The following TJP1 variants were observed in gnomAD, a reference collection of about 807,000 sequenced individuals.
TJP1 encodes the protein tight junction protein 1.
Under a neutral mutation model 194.2 loss-of-function variants are expected in TJP1, and 43 were observed. That is an observed-to-expected ratio of 0.22 (90% CI 0.17 to 0.29). The LOEUF (loss-of-function observed/expected upper bound fraction) is 0.29. TJP1 is among the 10% of genes least tolerant of loss of function. The pLI is 1.00. For missense variants in TJP1, 1,971 were observed against 2,185.7 expected, an observed-to-expected ratio of 0.90 and a Z score of 1.96; for synonymous variants, 801 against 779.0, an observed-to-expected ratio of 1.03 and a Z score of -0.47.
chr15:29,790,799 G>T (rs937034422), intron 2 of TJP1, among the ~76,000 whole-genome samples: 15 of 140,294 alleles, frequency 1.1e-4, no homozygotes, highest in Non-Finnish European at 1.8e-4. Flanking sequence ...TGTGGTATTC[G>T]TCTTTCTGTG....
intron 1 of TJP1, 137 bp downstream of exon 1, chr15:29,821,858 GCGGCCCC>G (rs1237874226): frequency 2.5e-6 from 2 of 799,676 alleles, no homozygotes; most frequent in Non-Finnish European, 3.0e-6. Flanking sequence ...CCCGCGGCCC[GCGGCCCC>G]GCGCCAGCCC....
At chr15:29,746,678 A>G (rs2044806579) in intron 8 of TJP1, among the ~76,000 whole-genome samples, 1 of 152,044 alleles carries the variant, frequency 6.6e-6, no homozygotes, top group Non-Finnish European at 1.5e-5. Flanking sequence ...AATATATTTA[A>G]AATTATTTTT....
At chr15:29,823,637 A>G (rs1038606401), upstream of TJP1, 5 of 152,242 alleles carry the variant, frequency 3.3e-5, no homozygotes, top group African/African-American at 1.2e-4. Context: ...TCGAAGTGCC[A>G]CACATCTTGC....
chr15:29,720,324 T>C (rs754644807), intron 19 of TJP1, 34 bp downstream of exon 19: 2 of 1,487,544 alleles, frequency 1.3e-6, no homozygotes, highest in South Asian at 1.3e-5. Flanking sequence ...ATAATGCACC[T>C]CTATCTACAA....
intron 8 of TJP1, among the ~76,000 whole-genome samples, chr15:29,743,657 T>A (rs2044572923): frequency 1.3e-5 from 2 of 151,910 alleles, no homozygotes. Context: ...AGCCGAGGAG[T>A]TGGAGGCTGA....
chr15:29,952,024 C>T (rs1223654067), intron 2 of TJP1, among the ~76,000 whole-genome samples: 1 of 152,186 alleles, frequency 6.6e-6, no homozygotes, highest in Non-Finnish European at 1.5e-5. Context: ...TTTGACTATA[C>T]ACTTAGAATC....
intron 2 of TJP1, among the ~76,000 whole-genome samples, chr15:29,884,480 C>T (rs1027774113): frequency 2.0e-5 from 3 of 152,178 alleles, no homozygotes; most frequent in African/African-American, 4.8e-5. Context: ...AACAAAGAAA[C>T]TCTTACCCAG....
At chr15:29,943,681 G>A (rs2055170154) in intron 2 of TJP1, among the ~76,000 whole-genome samples, 1 of 149,428 alleles carries the variant, frequency 6.7e-6, no homozygotes, top group Non-Finnish European at 1.5e-5. Flanking sequence ...AAGCATGGTG[G>A]CTTATGCCTG....
At chr15:29,711,963 A>G (rs2042271566) in intron 23 of TJP1, among the ~76,000 whole-genome samples, 1 of 152,218 alleles carries the variant, frequency 6.6e-6, no homozygotes, top group African/African-American at 2.4e-5. Context: ...TGACTGCTAG[A>G]GCAGCAGATC....
At position 29,727,962 on chromosome 15, in the gene TJP1, T is replaced by G; in HGVS notation, c.2075A>C (p.His692Pro). 1 of 1,614,194 alleles carries G rather than the reference T, an allele frequency of 6.2e-7. No individual in the cohort carries two copies. The highest frequency in any genetic ancestry group is 8.5e-7 in the Non-Finnish European group (1 of 1,180,014). ...DQRSSGIIRL[H>P]TIKQIIDQDK... ...TTGATCTATGATTTGCTTTATTGTA[T>G]GCAGGCGAATAATGCCAGAGCTACG... The change falls in exon 16 of 28, where the codon CAT becomes CCT. Residue 692 changes from histidine to proline, a missense_variant. This residue lies in a region of TJP1 where 402 missense variants were observed against 484.2 expected (regional missense o/e 0.83). Transcript: ENST00000614355.
intron 9 of TJP1, among the ~76,000 whole-genome samples, chr15:29,742,168 G>A (rs1428668368): frequency 1.3e-5 from 2 of 151,958 alleles, no homozygotes; most frequent in Non-Finnish European, 2.9e-5. Flanking sequence ...TGGAAAGACA[G>A]CTGGAGCCCA....
intron 2 of TJP1, among the ~76,000 whole-genome samples, chr15:29,827,646 G>A (rs2050716667): frequency 6.6e-6 from 1 of 152,176 alleles, no homozygotes; most frequent in Non-Finnish European, 1.5e-5. Context: ...AATATAAACA[G>A]TAAAATTCAT....
chr15:29,818,554 G>A (rs2050095590), intron 1 of TJP1, among the ~76,000 whole-genome samples: 1 of 151,794 alleles, frequency 6.6e-6, no homozygotes, highest in Non-Finnish European at 1.5e-5. Flanking sequence ...GCCCAGGATG[G>A]AGTGCAGTGG....
In TJP1 at chr15:29,757,403, A is replaced by G. The variant is rs183629688; in HGVS notation, c.1010+3736T>C. On this transcript the variant is annotated intron_variant, in intron 8 of 27. Transcript: ENST00000614355. ...ATAATTTACATACAATTTGTAAAACAAAAAGACACTTATACAGCCAAAATT... is the reference window on the plus strand; with the variant it reads ...ATAATTTACATACAATTTGTAAAACGAAAAGACACTTATACAGCCAAAATT... Among the ~76,000 whole-genome samples the G allele has an allele frequency of 2.6e-4, 39 of 152,330 alleles. No individual in the cohort carries two copies. In the East Asian group the frequency reaches 3.9e-3, roughly 15 times the overall value.
chr15:29,718,657 G>A lies in TJP1; in HGVS notation c.3485C>T (p.Ala1162Val), dbSNP rs985158037. 1 of 1,614,204 alleles carries A rather than the reference G, an allele frequency of 6.2e-7. No homozygotes were observed. Residue 1162 changes from alanine to valine, a missense_variant, in exon 21 of 28, where the codon GCT (alanine) becomes GTT (valine). By Grantham distance (64) the Ala-to-Val change is moderately conservative (BLOSUM62 0). Transcript: ENST00000614355. ...ASALRHEEQP[A>V]PGYDTHGRLR... ...TCTACCATGTGTGTCATACCCAGGAGCTGGCTGCTCTTCGTGCCGCAGGGC... is the reference window on the plus strand; with the variant it reads ...TCTACCATGTGTGTCATACCCAGGAACTGGCTGCTCTTCGTGCCGCAGGGC...
At chr15:29,963,868 G>T (rs187154764) in intron 1 of TJP1, among the ~76,000 whole-genome samples, 73 of 152,192 alleles carry the variant, frequency 4.8e-4, no homozygotes, top group African/African-American at 1.7e-3. Flanking sequence ...TGGCCAGGAT[G>T]GTCTCGATCT....
At chr15:29,854,163 C>T (rs942431180) in intron 2 of TJP1, among the ~76,000 whole-genome samples, 15 of 152,070 alleles carry the variant, frequency 9.9e-5, no homozygotes, top group African/African-American at 3.6e-4. Context: ...ATTTTATACA[C>T]CATATAAAAA....
intron 2 of TJP1, among the ~76,000 whole-genome samples, chr15:29,849,785 G>A (rs1417416390): frequency 6.6e-6 from 1 of 151,390 alleles, no homozygotes; most frequent in Non-Finnish European, 1.5e-5. Flanking sequence ...ATATTGTCCA[G>A]GCTGGTCTTG....
intron 6 of TJP1, 67 bp downstream of exon 6, chr15:29,762,268 G>A (rs2046054917): frequency 7.5e-7 from 1 of 1,336,490 alleles, no homozygotes; most frequent in Non-Finnish European, 1.0e-6. Flanking sequence ...CAAGAGCACA[G>A]ACTACATGGT....
Sources: gnomAD v4.1 joint callset for allele counts (sites outside exome capture counted in the v4.1 genomes callset) on GRCh38, gnomAD v4.1.1 for gene constraint, gnomAD v4.1.1 regional missense constraint, MANE v1.5 for transcripts, NCBI Gene and HGNC (gene_info 2026-07-23, HGNC 2026-07-21) for gene names.